Variants in FGD6 observed in about 807,000 individuals in gnomAD.
FGD6 encodes the protein FYVE, RhoGEF and PH domain-containing protein 6.
Under a neutral mutation model 149.4 loss-of-function variants are expected in FGD6, and 90 were observed. The ratio of observed to expected loss-of-function variants is 0.60; its 90% CI spans 0.51 to 0.72. The LOEUF is 0.72. Among genes scored for constraint, FGD6 ranks in the 30% least tolerant of loss-of-function variants. FGD6 has a pLI of 0.00. For synonymous variants in FGD6, 527 were observed against 584.0 expected, an observed-to-expected ratio of 0.90 and a Z score of 1.41; for missense variants, 1,437 against 1,684.8, an observed-to-expected ratio of 0.85 and a Z score of 2.57.
At chr12:95,085,973 G>C in intron 18 of FGD6, 65 bp from the exon 19 acceptor site, 2 of 1,474,856 alleles carry the variant, frequency 1.4e-6, no homozygotes, top group Non-Finnish European at 1.8e-6. Context: ...AAAATTATTT[G>C]CAACCAATAG....
chr12:95,116,356 G>T (rs1879014221), intron 8 of FGD6, among the ~76,000 whole-genome samples: 1 of 152,158 alleles, frequency 6.6e-6, no homozygotes, highest in Non-Finnish European at 1.5e-5. Context: ...ACTATATCTT[G>T]TTGTGGGAAG....
chr12:95,162,401 C>T (rs1435407546), intron 3 of FGD6, among the ~76,000 whole-genome samples: 8 of 152,122 alleles, frequency 5.3e-5, no homozygotes, highest in Non-Finnish European at 7.4e-5. Context: ...GTGGTGCATA[C>T]CTGTAGTCCC....
chr12:95,206,451 G>T (rs1395311525), intron 2 of FGD6, among the ~76,000 whole-genome samples: 7 of 152,148 alleles, frequency 4.6e-5, no homozygotes, highest in Non-Finnish European at 1.0e-4. Context: ...TTGGGAGGCT[G>T]AGATGGGAGG....
intron 19 of FGD6, 121 bp downstream of exon 19, chr12:95,085,659 C>T: frequency 2.8e-6 from 3 of 1,078,634 alleles, no homozygotes; most frequent in Non-Finnish European, 2.6e-6. Flanking sequence ...ACAACACCTC[C>T]CCCATCCAAA....
In FGD6 at chr12:95,195,088, C is replaced by T. The variant is rs1044850165; in HGVS notation, c.2441+13755G>A. 4.6e-5 allele frequency among the ~76,000 whole-genome samples: 7 copies of T among 152,218 alleles called. No homozygotes were observed. The South Asian group carries it at 1.5e-3, about 32-fold the overall frequency. On this transcript the variant is annotated intron_variant, in intron 2 of 20. Coordinates refer to ENST00000343958, the MANE Select transcript of FGD6 (RefSeq NM_018351.4). ...TTTTCCTGAGGGGACATGAAGTTTA[C>T]TGACTTCTATAAAAGTAAAATCTAT...
intron 2 of FGD6, among the ~76,000 whole-genome samples, chr12:95,180,223 C>T (rs775215495): frequency 6.6e-6 from 1 of 151,920 alleles, no homozygotes; most frequent in Non-Finnish European, 1.5e-5. Context: ...ATACACAAAA[C>T]CATGTAAAAA....
chr12:95,092,821 C>A lies in FGD6; in HGVS notation c.3625G>T (p.Val1209Phe), dbSNP rs1230498002. ...GGAGCCTTCGATCCAAGAGGACTAA[C>A]TTCTTCTTTATTTTCTGAGTCTGCC... ...DEADSENKEE[V>F]SPLGSKAPIW... The change falls in exon 16 of 21, where the codon GTT (valine) becomes TTT (phenylalanine). Residue 1209 changes from valine to phenylalanine, a missense_variant. By Grantham distance (50) the Val-to-Phe change is conservative. This residue lies in a region of FGD6 where 382 missense variants were observed against 538.7 expected (regional missense o/e 0.71). Coordinates refer to ENST00000343958, the MANE Select transcript of FGD6 (RefSeq NM_018351.4). 1.2e-6 allele frequency: 2 copies of A among 1,612,876 alleles called. No homozygotes were observed. The highest frequency in any genetic ancestry group is 4.5e-5 in the East Asian group (2 of 44,892).
At chr12:95,211,542 C>CTTTTTTTT (rs59361079) in intron 1 of FGD6, among the ~76,000 whole-genome samples, 1 of 142,400 alleles carries the variant, frequency 7.0e-6, no homozygotes. Flanking sequence ...TCTTTTTCTT[C>CTTTTTTTT]TTTTTTTTTT....
chr12:95,208,499 G>T (rs968439734), intron 2 of FGD6, among the ~76,000 whole-genome samples: 1 of 152,062 alleles, frequency 6.6e-6, no homozygotes, highest in Admixed American at 6.5e-5. Flanking sequence ...AAATGTCATT[G>T]AATTGGCCAA....
chr12:95,160,604 C>T (rs1880610922), intron 3 of FGD6, among the ~76,000 whole-genome samples: 3 of 152,202 alleles, frequency 2.0e-5, no homozygotes, highest in Admixed American at 2.0e-4. Context: ...TGTCCCTGAC[C>T]AGCTGCCTCC....
chr12:95,197,757 A>G (rs10859847), intron 2 of FGD6, among the ~76,000 whole-genome samples: 14,579 of 152,262 alleles, frequency 0.096, 813 homozygotes, highest in East Asian at 0.25. Context: ...AGCAGCTCTC[A>G]TGTAAATCAG....
intron 2 of FGD6, among the ~76,000 whole-genome samples, chr12:95,183,467 C>A (rs536413082): frequency 1.3e-5 from 2 of 152,170 alleles, no homozygotes; most frequent in Non-Finnish European, 1.5e-5. Flanking sequence ...TGATCTCACC[C>A]GTCCAGTGTC....
Position 95,106,998 on chromosome 12 carries a change from C to A in FGD6, c.3373G>T (p.Gly1125Trp), listed in dbSNP as rs1231412972. The A allele has an allele frequency of 6.2e-7, 1 of 1,613,670 alleles. No individual in the cohort carries two copies. The highest frequency in any genetic ancestry group is 8.5e-7 in the Non-Finnish European group (1 of 1,179,830). ...ALLYTTPVQS[G>W]MYKLNNMLSL... ...AGCATGTTGTTCAGTTTATACATCC[C>A]AGACTGCACTGGTGTTGTATACAGC... The change falls in exon 13 of 21, where the codon GGG becomes TGG. Residue 1125 changes from glycine to tryptophan, a missense_variant. This residue lies in a region of FGD6 where 382 missense variants were observed against 538.7 expected (regional missense o/e 0.71). Transcript: ENST00000343958.
At chr12:95,099,896 C>G (rs1038552986) in intron 14 of FGD6, among the ~76,000 whole-genome samples, 2 of 149,640 alleles carry the variant, frequency 1.3e-5, no homozygotes, top group Non-Finnish European at 3.0e-5. Flanking sequence ...GTACTAGGCT[C>G]TCCCCGGAGT....
At chr12:95,141,171 C>A (rs574446727) in intron 6 of FGD6, among the ~76,000 whole-genome samples, 4 of 152,062 alleles carry the variant, frequency 2.6e-5, no homozygotes, top group African/African-American at 9.6e-5. Flanking sequence ...TGCAGTGAGC[C>A]GAGATTGTGC....
chr12:95,114,008 G>A (rs1288129069), intron 8 of FGD6, among the ~76,000 whole-genome samples: 2 of 152,124 alleles, frequency 1.3e-5, no homozygotes, highest in Non-Finnish European at 2.9e-5. Flanking sequence ...TGAGAATTCA[G>A]GTCTCCTAAT....
intron 2 of FGD6, among the ~76,000 whole-genome samples, chr12:95,173,232 A>C (rs545594004): frequency 6.6e-6 from 1 of 152,194 alleles, no homozygotes; most frequent in African/African-American, 2.4e-5. Flanking sequence ...AACTGTGAAC[A>C]TGTACCCTGC....
chr12:95,172,334 C>T (rs1881017896), intron 3 of FGD6, among the ~76,000 whole-genome samples: 1 of 152,150 alleles, frequency 6.6e-6, no homozygotes, highest in African/African-American at 2.4e-5. Context: ...TGAGATGGCG[C>T]CATTGCACTC....
intron 3 of FGD6, among the ~76,000 whole-genome samples, chr12:95,162,744 A>G (rs1159331931): frequency 3.3e-5 from 5 of 152,098 alleles, no homozygotes; most frequent in African/African-American, 7.2e-5. Context: ...TTTAAACACA[A>G]TCCATCAGCT....
Sources: allele counts gnomAD v4.1 joint callset (sites outside exome capture counted in the v4.1 genomes callset), GRCh38; gene constraint gnomAD v4.1.1; regional missense constraint gnomAD v4.1.1; transcripts MANE v1.5; gene names NCBI Gene and HGNC (gene_info 2026-07-23, HGNC 2026-07-21).